Variants in DST observed in about 807,000 individuals in gnomAD.
DST encodes dystonin.
A neutral mutation model predicts 875.2 loss-of-function variants in DST; 253 were observed. The observed-to-expected ratio is 0.29, with a 90% confidence interval of 0.26 to 0.32. The LOEUF (loss-of-function observed/expected upper bound fraction) is 0.32, where lower values mean the gene tolerates loss of function less well. Ranked by LOEUF, DST falls within the 10% of genes least tolerant of loss-of-function variation. DST has a pLI of 1.00. For missense variants in DST, 8,287 were observed against 9,111.6 expected (o/e 0.91, Z 3.68); for synonymous variants, 3,124 against 3,197.1 (o/e 0.98, Z 0.77).
At chr6:56,809,852 T>G (rs933783456) in intron 4 of DST, among the ~76,000 whole-genome samples, 4 of 152,226 alleles carry the variant, frequency 2.6e-5, no homozygotes, top group Non-Finnish European at 4.4e-5. Flanking sequence ...CCTAAGAAAT[T>G]ATATGAACAA....
At chr6:56,840,317 T>A (rs368977056) in intron 4 of DST, among the ~76,000 whole-genome samples, 33 of 152,320 alleles carry the variant, frequency 2.2e-4, no homozygotes, top group South Asian at 2.1e-4. Flanking sequence ...AAGAATGTTT[T>A]GTATTACACG....
chr6:56,515,751 C>A, intron 71 of DST, 83 bp from the exon 72 acceptor site: 2 of 1,055,352 alleles, frequency 1.9e-6, no homozygotes, highest in Non-Finnish European at 2.8e-6. Flanking sequence ...GCACAGTACA[C>A]CTGGACAGAG....
At chr6:56,701,151 T>C (rs894258702) in intron 8 of DST, among the ~76,000 whole-genome samples, 4 of 151,730 alleles carry the variant, frequency 2.6e-5, no homozygotes, top group Non-Finnish European at 5.9e-5. Context: ...AGCCTCTTCC[T>C]TTTTTTCAAA....
intron 9 of DST, among the ~76,000 whole-genome samples, chr6:56,694,037 T>TCATATATATATATATA (rs1224890234): frequency 6.7e-6 from 1 of 148,776 alleles, no homozygotes; most frequent in African/African-American, 2.5e-5. Context: ...ATATGTGCAT[T>TCATATATATATATATA]CATATATATA....
chr6:56,897,174 T>C lies in DST; in HGVS notation c.417+3247A>G, dbSNP rs186104129. On this transcript the variant is annotated intron_variant, in intron 3 of 103. Coordinates refer to ENST00000680361, the MANE Select transcript of DST (RefSeq NM_001374736.1). ...GAGATGAGGATCGGTTTCATTCTCCTACATGTGGCTAGCCCAAACTTTTCT... is the reference window on the plus strand; with the variant it reads ...GAGATGAGGATCGGTTTCATTCTCCCACATGTGGCTAGCCCAAACTTTTCT... Among the ~76,000 whole-genome samples, 3 of 152,208 alleles carry C rather than the reference T, an allele frequency of 2.0e-5. No individual in the cohort carries two copies. The East Asian group carries it at 5.8e-4, about 29-fold the overall frequency.
At position 56,607,833 on chromosome 6, in the gene DST, T is replaced by C. The variant is rs1180423258; in HGVS notation, c.6795A>G (p.Ser2265=). Residue 2265 remains serine, a synonymous_variant, in exon 40 of 104, where the codon TCA becomes TCG. Transcript: ENST00000680361. ...SSSGVFLNNA[S]GREKDECTAT... The stretch of plus-strand genomic sequence containing the variant: ...CTGTACATTCATCCTTTTCTCTACC[T>C]GAAGCATTATTAAGAAATACACCAG... 3 of 1,613,570 alleles carry C rather than the reference T, an allele frequency of 1.9e-6. No individual in the cohort carries two copies. Among genetic ancestry groups the C allele is most frequent in the Non-Finnish European group, 2.5e-6 (3 of 1,179,718 alleles).
intron 61 of DST, among the ~76,000 whole-genome samples, chr6:56,538,446 G>C (rs2097058657): frequency 6.6e-6 from 1 of 152,088 alleles, no homozygotes; most frequent in Admixed American, 6.5e-5. Flanking sequence ...CCAATGATTG[G>C]ACAGTTAATC....
chr6:56,920,005 A>G lies in DST; in HGVS notation c.217-19384T>C, dbSNP rs139903764. ...AAACACTCTGCTCTGCACCACTTCA[A>G]TCAATGTGGTTATTTTTACAGCAAT... On this transcript the variant is annotated intron_variant, in intron 2 of 103. Transcript: ENST00000680361. Among the ~76,000 whole-genome samples, 1,390 of 152,308 alleles carry G rather than the reference A, an allele frequency of 9.1e-3. 23 individuals carry two copies. The highest frequency in any genetic ancestry group is 0.032 in the African/African-American group (1,320 of 41,564).
At chr6:56,753,849 A>G (rs952669346) in intron 4 of DST, among the ~76,000 whole-genome samples, 13 of 152,364 alleles carry the variant, frequency 8.5e-5, no homozygotes, top group Non-Finnish European at 1.3e-4. Flanking sequence ...GACATGTATC[A>G]TGGAGGCATA....
At chr6:56,859,999 T>G (rs1770163356) in intron 3 of DST, among the ~76,000 whole-genome samples, 1 of 152,204 alleles carries the variant, frequency 6.6e-6, no homozygotes, top group Non-Finnish European at 1.5e-5. Flanking sequence ...TCACTGCTGA[T>G]AGCACCATCA....
At chr6:56,704,157 C>G in intron 6 of DST, 123 bp downstream of exon 6, 1 of 485,790 alleles carries the variant, frequency 2.1e-6, no homozygotes. Context: ...CTTTTTCAGG[C>G]AGAATTCATA....
chr6:56,535,327 G>T, intron 62 of DST, 35 bp from the exon 63 acceptor site: 1 of 1,541,852 alleles, frequency 6.5e-7, no homozygotes, highest in Non-Finnish European at 8.7e-7. Flanking sequence ...TTATTTATTT[G>T]TTTCACAAAA....
chr6:56,792,711 T>C (rs529171535), intron 4 of DST, among the ~76,000 whole-genome samples: 2 of 152,274 alleles, frequency 1.3e-5, no homozygotes, highest in East Asian at 1.9e-4. Context: ...GCCACAAATG[T>C]TCTAACCTGA....
chr6:56,742,247 GATAGT>G, intron 4 of DST: 1 of 1,241,564 alleles, frequency 8.1e-7, no homozygotes, highest in Non-Finnish European at 1.1e-6. Context: ...ACATGAAAGT[GATAGT>G]ATATGTGATA....
intron 99 of DST, 73 bp downstream of exon 99, chr6:56,466,005 G>A: frequency 8.1e-7 from 1 of 1,231,540 alleles, no homozygotes; most frequent in Non-Finnish European, 1.2e-6. Flanking sequence ...ATTATGCCCA[G>A]TATGTTTTGG....
At chr6:56,823,044 G>A (rs1256812423) in intron 4 of DST, among the ~76,000 whole-genome samples, 4 of 151,994 alleles carry the variant, frequency 2.6e-5, no homozygotes, top group Admixed American at 6.6e-5. Context: ...CGTTGGCCAG[G>A]CTGGTGTCCA....
At chr6:56,611,389 G>GTAATTACATTACTATATAA (rs2098543472) in intron 38 of DST, 119 bp downstream of exon 38, 6 of 671,654 alleles carry the variant, frequency 8.9e-6, no homozygotes, top group Non-Finnish European at 1.6e-5. Context: ...TATATTAATT[G>GTAATTACATTACTATATAA]TGATTAGTTT....
chr6:56,886,930 A>AAG (rs1023552356), intron 3 of DST, among the ~76,000 whole-genome samples: 5 of 152,268 alleles, frequency 3.3e-5, no homozygotes, highest in Middle Eastern at 3.4e-3. Context: ...TAAATAAATA[A>AAG]AGAGAGAGAG....
At chr6:56,854,434 G>A (rs1355948911) in intron 3 of DST, among the ~76,000 whole-genome samples, 1 of 151,722 alleles carries the variant, frequency 6.6e-6, no homozygotes, top group African/African-American at 2.4e-5. Flanking sequence ...CGGTAGCTAG[G>A]TCCATCAATA....
Sources: allele counts gnomAD v4.1 joint callset (sites outside exome capture counted in the v4.1 genomes callset), GRCh38; gene constraint gnomAD v4.1.1; transcripts MANE v1.5; gene names NCBI Gene and HGNC (gene_info 2026-07-23, HGNC 2026-07-21).